Variants in KLF15 observed in about 807,000 individuals in gnomAD.
KLF15 encodes KLF transcription factor 15, also known as Krueppel-like factor 15.
Under a neutral mutation model 24.6 loss-of-function variants are expected in KLF15, and 4 were observed. That is an observed-to-expected ratio of 0.16 (90% CI 0.08 to 0.37). KLF15 has a LOEUF of 0.37. Ranked by LOEUF, KLF15 falls within the 10% of genes least tolerant of loss-of-function variation. The pLI, the probability that KLF15 is intolerant of heterozygous loss-of-function variation, is 1.00. For missense variants in KLF15, 496 were observed against 560.6 expected (o/e 0.88, Z 1.16); for synonymous variants, 246 against 236.3 (o/e 1.04, Z -0.37).
At chr3:126,345,945 T>G (rs921242022) in intron 2 of KLF15, among the ~76,000 whole-genome samples, 1 of 152,088 alleles carries the variant, frequency 6.6e-6, no homozygotes, top group Non-Finnish European at 1.5e-5. Flanking sequence ...AAGCTCAGGG[T>G]GCTGAGGGCC....
At position 126,343,900 on chromosome 3, in the gene KLF15, G is replaced by A. The variant is rs778703463; in HGVS notation, c.1083-5C>T. On this transcript the variant is annotated splice_polypyrimidine_tract_variant and splice_region_variant and intron_variant, in intron 2 of 2. Transcript: ENST00000296233. ...AGCTCGTCAGAGCGCGAGAACCTGC[G>A]GGACATGGCGCGGTCAGCGAGGCCT... is the stretch of plus-strand genomic sequence containing the variant. The A allele has an allele frequency of 4.4e-5, 70 of 1,576,558 alleles. No individual in the cohort carries two copies. Among genetic ancestry groups the A allele is most frequent in the Non-Finnish European group, 5.8e-5 (68 of 1,162,540 alleles).
the KLF15 span, among the ~76,000 whole-genome samples, chr3:126,329,838 C>CA: frequency 7.1e-6 from 1 of 141,802 alleles, no homozygotes; most frequent in East Asian, 2.1e-4. Context: ...TATTATTACA[C>CA]TTTTTTTTTT....
the KLF15 span, among the ~76,000 whole-genome samples, chr3:126,308,452 C>A: frequency 5.3e-5 from 8 of 151,048 alleles, no homozygotes; most frequent in African/African-American, 1.7e-4. Flanking sequence ...CGCCAGGGGA[C>A]GACCACCTCA....
At chr3:126,348,951 T>A (rs910634569) in intron 2 of KLF15, among the ~76,000 whole-genome samples, 1 of 152,122 alleles carries the variant, frequency 6.6e-6, no homozygotes, top group Non-Finnish European at 1.5e-5. Context: ...AAACTTAGAA[T>A]AGTGCCCAGC....
the KLF15 span, among the ~76,000 whole-genome samples, chr3:126,330,315 C>A: frequency 3.9e-5 from 6 of 152,200 alleles, no homozygotes; most frequent in Non-Finnish European, 8.8e-5. Flanking sequence ...GAGCACTGAG[C>A]TTTGAGGTGG....
At chr3:126,340,691 T>C (rs2082473631), downstream of KLF15, among the ~76,000 whole-genome samples, 1 of 152,182 alleles carries the variant, frequency 6.6e-6, no homozygotes, top group Non-Finnish European at 1.5e-5. Context: ...AGCTTCCACC[T>C]CTATTCCTCA....
chr3:126,301,826 G>A, the KLF15 span, among the ~76,000 whole-genome samples: 1 of 151,906 alleles, frequency 6.6e-6, no homozygotes, highest in African/African-American at 2.4e-5. Flanking sequence ...TGTTGACCAG[G>A]CTGGTGTTGA....
At chr3:126,297,869 T>C in the KLF15 span, among the ~76,000 whole-genome samples, 2 of 152,340 alleles carry the variant, frequency 1.3e-5, no homozygotes, top group Middle Eastern at 3.4e-3. Context: ...TTTAGGTTGG[T>C]TCCATATTTT....
the KLF15 span, among the ~76,000 whole-genome samples, chr3:126,328,246 C>T: frequency 6.6e-6 from 1 of 152,186 alleles, no homozygotes; most frequent in East Asian, 1.9e-4. Flanking sequence ...TAGGTCACTG[C>T]AAATGCTGTT....
rs77395715 is a variant in KLF15 at position 126,352,969 on chromosome 3, G to A, written c.-25-22C>T. On this transcript the variant is annotated intron_variant, in intron 1 of 2. Coordinates refer to ENST00000296233, the MANE Select transcript of KLF15 (RefSeq NM_014079.4). The stretch of plus-strand genomic sequence containing the variant: ...GCGGCTGCAGGAAAGGAACACAGGA[G>A]GCCTGGTCAGAAGGACAGTGCTCAC... 2,348 of 1,557,980 alleles carry A rather than the reference G, an allele frequency of 1.5e-3. 63 individuals are homozygous for A. The East Asian group carries it at 0.048, about 32-fold the overall frequency.
chr3:126,330,064 G>A, the KLF15 span, among the ~76,000 whole-genome samples: 2 of 152,166 alleles, frequency 1.3e-5, no homozygotes, highest in Admixed American at 6.5e-5. Flanking sequence ...GATGCAAGCC[G>A]AGGTCTGAAA....
At chr3:126,326,909 C>T in the KLF15 span, among the ~76,000 whole-genome samples, 1 of 151,776 alleles carries the variant, frequency 6.6e-6, no homozygotes, top group Non-Finnish European at 1.5e-5. Context: ...TTTTAATTTT[C>T]AAATTTTAGA....
intron 2 of KLF15, among the ~76,000 whole-genome samples, chr3:126,344,233 ATTTT>A: frequency 6.6e-6 from 1 of 150,580 alleles, no homozygotes; most frequent in South Asian, 2.1e-4. Context: ...TAGTTTTTGT[ATTTT>A]TTTTTAGAGA....
In KLF15 at chr3:126,356,412, A is replaced by C. The variant is rs558134213; in HGVS notation, c.-26+825T>G. On this transcript the variant is annotated intron_variant, in intron 1 of 2. Transcript: ENST00000296233. This position sits in a 1 kb window ranked among gnomAD's most constrained non-coding sequence, Gnocchi z 4.4. ...GTGAGAGGGGGGTTCCATGAGTAAC[A>C]CCAAGGCGGGGAGGGAAGAGTGAAC... Among the ~76,000 whole-genome samples the C allele has an allele frequency of 9.2e-5, 14 of 152,218 alleles. No individual in the cohort carries two copies. In the South Asian group the frequency reaches 2.9e-3, roughly 32 times the overall value.
At chr3:126,314,073 T>A in the KLF15 span, among the ~76,000 whole-genome samples, 1 of 152,214 alleles carries the variant, frequency 6.6e-6, no homozygotes, top group African/African-American at 2.4e-5. Context: ...TCTATTATCT[T>A]GCTCTTTATA....
the KLF15 span, among the ~76,000 whole-genome samples, chr3:126,309,942 G>A: frequency 2.6e-5 from 4 of 152,226 alleles, no homozygotes; most frequent in South Asian, 8.3e-4. Flanking sequence ...CTATAACCCT[G>A]AGCCCGTTTG....
the KLF15 span, among the ~76,000 whole-genome samples, chr3:126,329,184 A>G: frequency 2.0e-5 from 3 of 152,256 alleles, no homozygotes. Flanking sequence ...AAGAACCTCC[A>G]TCTTTCCTCT....
At chr3:126,318,778 G>A in the KLF15 span, among the ~76,000 whole-genome samples, 5 of 152,154 alleles carry the variant, frequency 3.3e-5, no homozygotes, top group African/African-American at 1.2e-4. Context: ...TCACACCAGA[G>A]TGGTCCCTGT....
At chr3:126,288,895 G>C in the KLF15 span, 1 of 152,130 alleles carries the variant, frequency 6.6e-6, no homozygotes, top group African/African-American at 2.4e-5. Flanking sequence ...AATGAAAATC[G>C]CAACAGGATG....
Sources: allele counts gnomAD v4.1 joint callset (sites outside exome capture counted in the v4.1 genomes callset), GRCh38; gene constraint gnomAD v4.1.1; non-coding constraint Gnocchi (gnomAD v3.1); transcripts MANE v1.5; gene names NCBI Gene and HGNC (gene_info 2026-07-23, HGNC 2026-07-21).